MET: variants seen among roughly 807,000 people sequenced by gnomAD.
MET encodes the protein hepatocyte growth factor receptor.
A neutral mutation model predicts 133.1 loss-of-function variants in MET; 48 were observed. The observed-to-expected ratio is 0.36, with a 90% CI of 0.29 to 0.46. The LOEUF (loss-of-function observed/expected upper bound fraction) is 0.46. Among genes scored for constraint, MET ranks in the 20% least tolerant of loss-of-function variants. The pLI, the probability that MET is intolerant of heterozygous loss-of-function variation, is 1.00. For synonymous variants in MET, 628 were observed against 616.5 expected, an observed-to-expected ratio of 1.02 and a Z score of -0.28; for missense variants, 1,442 against 1,695.9, an observed-to-expected ratio of 0.85 and a Z score of 2.63.
chr7:116,778,175 CACAA>C (rs975031811), intron 16 of MET, among the ~76,000 whole-genome samples: 5 of 152,286 alleles, frequency 3.3e-5, no homozygotes, highest in South Asian at 4.1e-4. Flanking sequence ...TACTATATTA[CACAA>C]ACAGTGTACT....
In MET at chr7:116,785,408, G is replaced by T. The variant is rs534706980; in HGVS notation, c.3798+1939G>T. 3.9e-4 allele frequency among the ~76,000 whole-genome samples: 60 copies of T among 152,010 alleles called. 1 individual carries two copies. In the South Asian group the frequency reaches 8.5e-3, roughly 22 times the overall value. ...TTGCATGGCAGGAGCAGGACCAAGT[G>T]GGGGGAGGGGGAGCATCTTATATGG... On this transcript the variant is annotated intron_variant, in intron 19 of 20. Transcript: ENST00000397752.
At position 116,798,152 on chromosome 7, in the gene MET, G is replaced by A. The variant is rs1273114533; in HGVS notation, c.*2028G>A. On this transcript the variant is annotated 3_prime_UTR_variant, in exon 21 of 21. Coordinates refer to ENST00000397752, the MANE Select transcript of MET (RefSeq NM_000245.4). ...ACTCGGGGAAACATCCCATCAACAG[G>A]ACTACACACTTGTATATACATTCTT... The A allele has an allele frequency of 4.6e-6, 1 of 217,542 alleles. No homozygotes were observed. Among genetic ancestry groups the A allele is most frequent in the Admixed American group, 5.8e-5 (1 of 17,212 alleles). The allele number at this position is 217,542 out of a possible 1,614,324, so 13.5% of individuals were successfully genotyped here. A position where few individuals can be genotyped will look rare whatever the true frequency, so the allele number is the denominator to read the frequency against.
At chr7:116,724,026 A>T (rs1030793481) in intron 2 of MET, 2 of 161,990 alleles carry the variant, frequency 1.2e-5, no homozygotes, top group Admixed American at 6.4e-5. Flanking sequence ...TCTAGCTTCC[A>T]GGCTGCTTTG....
chr7:116,675,760 T>C (rs1183572881), intron 1 of MET, among the ~76,000 whole-genome samples: 2 of 152,122 alleles, frequency 1.3e-5, no homozygotes, highest in Non-Finnish European at 2.9e-5. Flanking sequence ...CTCTCTTTTT[T>C]TTTTTTAATT....
At chr7:116,746,262 T>C (rs1793677028) in intron 5 of MET, among the ~76,000 whole-genome samples, 2 of 152,174 alleles carry the variant, frequency 1.3e-5, no homozygotes, top group Non-Finnish European at 1.5e-5. Context: ...ATGGCAATCA[T>C]TAAAAAGTCA....
At chr7:116,782,575 T>A (rs752778502) in intron 18 of MET, among the ~76,000 whole-genome samples, 2 of 152,228 alleles carry the variant, frequency 1.3e-5, no homozygotes, top group Non-Finnish European at 2.9e-5. Context: ...GCTGCCTGGC[T>A]ATGTAATACA....
At chr7:116,684,448 A>G (rs1441439318) in intron 1 of MET, among the ~76,000 whole-genome samples, 2 of 152,228 alleles carry the variant, frequency 1.3e-5, no homozygotes, top group Non-Finnish European at 1.5e-5. Flanking sequence ...GTTACTATAT[A>G]GTGTGGTAAA....
intron 1 of MET, among the ~76,000 whole-genome samples, chr7:116,677,089 A>T (rs1029525680): frequency 5.3e-5 from 8 of 151,360 alleles, no homozygotes; most frequent in Non-Finnish European, 8.8e-5. Flanking sequence ...TGCTCCATTC[A>T]GACAATTTTC....
intron 1 of MET, among the ~76,000 whole-genome samples, chr7:116,691,343 T>C (rs772814117): frequency 2.0e-5 from 3 of 152,220 alleles, no homozygotes; most frequent in Non-Finnish European, 2.9e-5. Context: ...ATATTTAAAG[T>C]AATTATTCAA....
chr7:116,708,891 C>T (rs753400437), intron 2 of MET, among the ~76,000 whole-genome samples: 13 of 152,150 alleles, frequency 8.5e-5, no homozygotes, highest in Non-Finnish European at 1.9e-4. Flanking sequence ...TCTGAGAACA[C>T]ACAAAATAAG....
chr7:116,782,518 A>C (rs1251920329), intron 18 of MET, among the ~76,000 whole-genome samples: 1 of 152,226 alleles, frequency 6.6e-6, no homozygotes, highest in Admixed American at 6.5e-5. Flanking sequence ...AGCCCTACCA[A>C]AAATGGTATT....
At chr7:116,688,871 A>G (rs1287177207) in intron 1 of MET, among the ~76,000 whole-genome samples, 1 of 152,196 alleles carries the variant, frequency 6.6e-6, no homozygotes, top group Non-Finnish European at 1.5e-5. Context: ...GGGATGCAAA[A>G]ACAGATAAGA....
intron 1 of MET, among the ~76,000 whole-genome samples, chr7:116,691,419 T>G (rs1403996664): frequency 6.6e-6 from 1 of 152,226 alleles, no homozygotes; most frequent in Non-Finnish European, 1.5e-5. Flanking sequence ...TTTTATGCAC[T>G]TGACTTTGTG....
chr7:116,690,825 G>A (rs913214053), intron 1 of MET, among the ~76,000 whole-genome samples: 1 of 152,158 alleles, frequency 6.6e-6, no homozygotes, highest in African/African-American at 2.4e-5. Context: ...AGTCAAGTAC[G>A]TGGCATGCAA....
chr7:116,672,671 AG>A, intron 1 of MET, 94 bp downstream of exon 1: 1 of 372,878 alleles, frequency 2.7e-6, no homozygotes, highest in Non-Finnish European at 4.8e-6. Context: ...CTGCTGTTCC[AG>A]GGGGCAAAAC....
rs547615728 is a variant in MET, at chr7:116,736,103, A to G, written c.1393-3847A>G. Among the ~76,000 whole-genome samples, 5 of 152,288 alleles carry G rather than the reference A, an allele frequency of 3.3e-5. No individual in the cohort carries two copies. In the East Asian group the frequency reaches 7.7e-4, roughly 23 times the overall value. ...GATTTGGTATATTTCTTTAGAGGAAAATACACTCAAGGGTTCTGAAATTTC... is the reference window on the plus strand; with the variant it reads ...GATTTGGTATATTTCTTTAGAGGAAGATACACTCAAGGGTTCTGAAATTTC... On this transcript the variant is annotated intron_variant, in intron 3 of 20. Coordinates refer to ENST00000397752, the MANE Select transcript of MET (RefSeq NM_000245.4).
intron 1 of MET, among the ~76,000 whole-genome samples, chr7:116,675,575 C>T (rs1796126541): frequency 6.6e-6 from 1 of 152,086 alleles, no homozygotes; most frequent in African/African-American, 2.4e-5. Flanking sequence ...GGAAACTGAG[C>T]TTGAGACTAG....
intron 5 of MET, among the ~76,000 whole-genome samples, chr7:116,749,112 C>T (rs1793818410): frequency 6.6e-6 from 1 of 152,134 alleles, no homozygotes; most frequent in Admixed American, 6.5e-5. Flanking sequence ...TTTATGAGGC[C>T]AGCATCATCC....
At chr7:116,760,672 C>T (rs1289767590) in intron 10 of MET, among the ~76,000 whole-genome samples, 1 of 152,158 alleles carries the variant, frequency 6.6e-6, no homozygotes, top group African/African-American at 2.4e-5. Context: ...TTACAAAAAC[C>T]AATTTGGGGC....
Sources: allele counts gnomAD v4.1 joint callset (sites outside exome capture counted in the v4.1 genomes callset), GRCh38; gene constraint gnomAD v4.1.1; transcripts MANE v1.5; gene names NCBI Gene and HGNC (gene_info 2026-07-23, HGNC 2026-07-21).